The following CLK3 variants were observed in gnomAD, a reference collection of about 807,000 sequenced individuals.
The protein encoded by CLK3 is CDC like kinase 3, also known as dual specificity protein kinase CLK3.
Under a neutral mutation model 65.2 loss-of-function variants are expected in CLK3, and 24 were observed. That is an observed-to-expected ratio of 0.37 (90% CI 0.27 to 0.52). CLK3 has a LOEUF of 0.52. CLK3 is among the 20% of genes least tolerant of loss of function. The pLI is 0.92. For synonymous variants in CLK3, 252 were observed against 240.8 expected (o/e 1.05, Z -0.43); for missense variants, 506 against 660.0 (o/e 0.77, Z 2.56).
At chr15:74,614,193 T>C (rs1192355305), upstream of CLK3, among the ~76,000 whole-genome samples, 2 of 152,216 alleles carry the variant, frequency 1.3e-5, no homozygotes, top group African/African-American at 4.8e-5. Context: ...TTTGTATTTT[T>C]AGTAGAGACG....
chr15:74,609,408 CTAGAATCTCT>C (rs1263461236), intron 1 of CLK3, among the ~76,000 whole-genome samples: 1 of 152,168 alleles, frequency 6.6e-6, no homozygotes, highest in Non-Finnish European at 1.5e-5. Flanking sequence ...GGACGCCCTG[CTAGAATCTCT>C]CTCTCCTGGT....
In CLK3 at chr15:74,619,188, G is replaced by C. The variant is rs775002434; in HGVS notation, c.1-9G>C. 1.2e-6 allele frequency: 2 copies of C among 1,613,478 alleles called. No individual in the cohort carries two copies. Among genetic ancestry groups the C allele is most frequent in the Non-Finnish European group, 1.7e-6 (2 of 1,179,660 alleles). The stretch of plus-strand genomic sequence containing the variant: ...TGTTTAGCAGGGCTCTCTGTTCCTC[G>C]TGGCCTAGATGCATCACTGTAAGCG... On this transcript the variant is annotated splice_polypyrimidine_tract_variant and intron_variant, in intron 1 of 12. Coordinates refer to ENST00000395066, the MANE Select transcript of CLK3 (RefSeq NM_001130028.2).
At chr15:74,620,598 C>A (rs908523124) in intron 3 of CLK3, 2 of 304,474 alleles carry the variant, frequency 6.6e-6, no homozygotes, top group African/African-American at 4.2e-5. Context: ...AGCTATATGG[C>A]CTGGTCCTTC....
At chr15:74,611,438 C>T (rs886633565), upstream of CLK3, among the ~76,000 whole-genome samples, 3 of 152,252 alleles carry the variant, frequency 2.0e-5, no homozygotes, top group African/African-American at 7.2e-5. Flanking sequence ...AGCCAAGTCC[C>T]AGCTTGTGCT....
chr15:74,620,297 C>A, intron 3 of CLK3, 72 bp downstream of exon 3: 1 of 1,589,082 alleles, frequency 6.3e-7, no homozygotes, highest in South Asian at 1.1e-5. Context: ...CTCAGGCTGG[C>A]TGGTCCGGGT....
upstream of CLK3, chr15:74,615,143 C>T (rs1172427761): frequency 3.0e-6 from 1 of 337,784 alleles, no homozygotes; most frequent in Non-Finnish European, 5.3e-6. Flanking sequence ...GGGCTTTTGT[C>T]TAGCGGGGGA....
chr15:74,624,637 T>C lies in CLK3; in HGVS notation c.534-265T>C, dbSNP rs2062129696. The C allele has an allele frequency of 1.9e-6, 1 of 519,184 alleles. No individual in the cohort carries two copies. Among genetic ancestry groups the C allele is most frequent in the Non-Finnish European group, 3.5e-6 (1 of 285,352 alleles). 32.2% of individuals were successfully genotyped at this position (519,184 alleles called of 1,614,324 possible). A position where few individuals can be genotyped will look rare whatever the true frequency, so the allele number is the denominator to read the frequency against. Reference sequence around the variant, plus strand: ...TTGGCCTCTACTCTCCCACACTCCTTTGGGAGCTGGCAGTGGCTGAGAACA... The same window carrying C: ...TTGGCCTCTACTCTCCCACACTCCTCTGGGAGCTGGCAGTGGCTGAGAACA... On this transcript the variant is annotated intron_variant, in intron 5 of 12. Transcript: ENST00000395066. This position sits in a 1 kb window ranked among gnomAD's most constrained non-coding sequence, Gnocchi z 4.2.
Position 74,627,475 on chromosome 15 carries a change from G to A in CLK3, c.912+29G>A. ...TTGGTGGGGGTAAGGGTGAGGCCCT[G>A]TTTCAGGGGTGGGTTACCCGCTGGT... is the stretch of plus-strand genomic sequence containing the variant. On this transcript the variant is annotated intron_variant, in intron 8 of 12. Coordinates refer to ENST00000395066, the MANE Select transcript of CLK3 (RefSeq NM_001130028.2). The surrounding 1 kb of genome is among the most constrained non-coding windows in gnomAD (Gnocchi z 4.3). 1.9e-6 allele frequency: 3 copies of A among 1,614,196 alleles called. No homozygotes were observed. The highest frequency in any genetic ancestry group is 2.5e-6 in the Non-Finnish European group (3 of 1,179,996).
chr15:74,614,668 G>T (rs1042396485), upstream of CLK3, among the ~76,000 whole-genome samples: 2 of 152,194 alleles, frequency 1.3e-5, no homozygotes, highest in African/African-American at 2.4e-5. Flanking sequence ...GCTCGGAAGC[G>T]GGGGGCTCCC....
chr15:74,619,201 A>G lies in CLK3; in HGVS notation c.5A>G (p.His2Arg), dbSNP rs1250223903. The change falls in exon 2 of 13, where the codon CAT becomes CGT. Residue 2 changes from histidine (H) to arginine (R), a missense_variant. By Grantham distance (29) the His-to-Arg change is conservative. This residue lies in a region of CLK3 where 181 missense variants were observed against 159.4 expected (regional missense o/e 1.14). Transcript: ENST00000395066. ...TCTCTGTTCCTCGTGGCCTAGATGCATCACTGTAAGCGATACCGCTCCCCT... is the reference window on the plus strand; with the variant it reads ...TCTCTGTTCCTCGTGGCCTAGATGCGTCACTGTAAGCGATACCGCTCCCCT... M[H>R]HCKRYRSPEP... The G allele has an allele frequency of 1.2e-6, 2 of 1,614,016 alleles. No homozygotes were observed. Among genetic ancestry groups the G allele is most frequent in the African/African-American group, 2.7e-5 (2 of 75,026 alleles).
chr15:74,615,787 G>A (rs538912258), upstream of CLK3: 20 of 1,243,664 alleles, frequency 1.6e-5, no homozygotes, highest in South Asian at 3.7e-4. Flanking sequence ...GGCTGGCGAC[G>A]GCTGCGTCAC....
In CLK3 at chr15:74,627,574, C is replaced by T. The variant is rs750910782; in HGVS notation, c.948C>T (p.Ile316=). ...CEEKSVKNTS[I]RVADFGSATF... ...AGAAGTCAGTGAAGAACACCAGCATCCGAGTGGCTGACTTTGGCAGTGCCA... is the reference window on the plus strand; with the variant it reads ...AGAAGTCAGTGAAGAACACCAGCATTCGAGTGGCTGACTTTGGCAGTGCCA... Residue 316 remains isoleucine (I), a synonymous_variant, in exon 9 of 13, where the codon ATC becomes ATT. Coordinates refer to ENST00000395066, the MANE Select transcript of CLK3 (RefSeq NM_001130028.2). The surrounding 1 kb of genome is among the most constrained non-coding windows in gnomAD (Gnocchi z 4.3). 6.8e-6 allele frequency: 11 copies of T among 1,614,224 alleles called. No individual in the cohort carries two copies. The highest frequency in any genetic ancestry group is 8.5e-6 in the Non-Finnish European group (10 of 1,180,038).
Position 74,622,825 on chromosome 15 carries a change from C to T in CLK3, c.533+265C>T, listed in dbSNP as rs1225600507. ...GTTCTGCTCCAATCTCTTCACTTCT[C>T]CAGGGCTGTGGTGGTGGATATCAGA... On this transcript the variant is annotated intron_variant, in intron 5 of 12. Coordinates refer to ENST00000395066, the MANE Select transcript of CLK3 (RefSeq NM_001130028.2). This position sits in a 1 kb window ranked among gnomAD's most constrained non-coding sequence, Gnocchi z 4.6. Among the ~76,000 whole-genome samples the T allele has an allele frequency of 6.6e-6, 1 of 152,184 alleles. No homozygotes were observed. The highest frequency in any genetic ancestry group is 1.5e-5 in the Non-Finnish European group (1 of 68,024).
intron 1 of CLK3, among the ~76,000 whole-genome samples, chr15:74,609,008 G>A (rs961619569): frequency 1.3e-5 from 2 of 152,214 alleles, no homozygotes; most frequent in Non-Finnish European, 2.9e-5. Context: ...GGTGTGCTCT[G>A]CCTCCAGGGC....
At chr15:74,619,117 A>G in intron 1 of CLK3, 80 bp from the exon 2 acceptor site, 1 of 1,563,024 alleles carries the variant, frequency 6.4e-7, no homozygotes, top group South Asian at 1.2e-5. Context: ...CTTCAGGAGC[A>G]ACCGGGAAGC....
intron 7 of CLK3, 79 bp downstream of exon 7, chr15:74,626,047 C>A (rs1596290570): frequency 6.8e-7 from 1 of 1,478,172 alleles, no homozygotes; most frequent in Non-Finnish European, 9.4e-7. Flanking sequence ...TGTCCCCATT[C>A]ATTCCAGCAC....
chr15:74,619,406 G>A, intron 2 of CLK3, 58 bp downstream of exon 2: 1 of 1,583,222 alleles, frequency 6.3e-7, no homozygotes, highest in South Asian at 1.1e-5. Flanking sequence ...CTCAGCTGTG[G>A]CAGCTCCAGA....
Position 74,627,356 on chromosome 15 carries a change from G to C in CLK3, c.822G>C (p.Leu274=). The change falls in exon 8 of 13, where the codon CTG becomes CTC. Residue 274 remains leucine, a synonymous_variant. Coordinates refer to ENST00000395066, the MANE Select transcript of CLK3 (RefSeq NM_001130028.2). The surrounding 1 kb of genome is among the most constrained non-coding windows in gnomAD (Gnocchi z 4.3). ...CTTCTTTCCCTGCTACCTTAGTTCT[G>C]CATGAGAATCAGCTGACCCATACAG... ...AYQLCHALRF[L]HENQLTHTDL... 1 of 1,613,578 alleles carries C rather than the reference G, an allele frequency of 6.2e-7. No homozygotes were observed. The highest frequency in any genetic ancestry group is 8.5e-7 in the Non-Finnish European group (1 of 1,179,498).
rs1024313496 is a variant in CLK3, at chr15:74,626,119, T to C, written c.817+151T>C. On this transcript the variant is annotated intron_variant, in intron 7 of 12. Transcript: ENST00000395066. ...ATCCCCTTTGGCGGAAAGGCCTGTCTTTGGGTGGGAATCTCAGTGTGAGGA... is the reference window on the plus strand; with the variant it reads ...ATCCCCTTTGGCGGAAAGGCCTGTCCTTGGGTGGGAATCTCAGTGTGAGGA... 112 of 917,488 alleles carry C rather than the reference T, an allele frequency of 1.2e-4. No individual in the cohort carries two copies. In the African/African-American group the frequency reaches 1.7e-3, roughly 14 times the overall value. The allele number at this position is 917,488 out of a possible 1,614,324, so 56.8% of individuals were successfully genotyped here. A position where few individuals can be genotyped will look rare whatever the true frequency, so the allele number is the denominator to read the frequency against.
Sources: allele counts gnomAD v4.1 joint callset (sites outside exome capture counted in the v4.1 genomes callset), GRCh38; gene constraint gnomAD v4.1.1; regional missense constraint gnomAD v4.1.1; non-coding constraint Gnocchi (gnomAD v3.1); transcripts MANE v1.5; gene names NCBI Gene and HGNC (gene_info 2026-07-23, HGNC 2026-07-21).